The following SNTB2 variants were observed in gnomAD, a reference collection of about 807,000 sequenced individuals.
SNTB2 encodes the protein syntrophin beta 2.
In SNTB2, 34 loss-of-function variants were observed where a neutral mutation model predicts 46.2. That is an observed-to-expected ratio of 0.74 (90% CI 0.56 to 0.98). SNTB2 has a LOEUF of 0.98. Ranked by LOEUF, SNTB2 falls within the 50% of genes least tolerant of loss-of-function variation. The pLI, the probability that SNTB2 is intolerant of heterozygous loss-of-function variation, is 0.00. For missense variants in SNTB2, 603 were observed against 731.4 expected (o/e 0.82, Z 2.02); for synonymous variants, 290 against 312.6 (o/e 0.93, Z 0.76).
intron 4 of SNTB2, among the ~76,000 whole-genome samples, chr16:69,281,495 T>TG (rs201398210): frequency 0.049 from 7,328 of 149,080 alleles, 248 homozygotes; most frequent in Non-Finnish European, 0.071. Context: ...GTTTTTTTTT[T>TG]TTTGTTTTTT....
chr16:69,280,105 C>T (rs1949295580), intron 4 of SNTB2, among the ~76,000 whole-genome samples: 1 of 152,172 alleles, frequency 6.6e-6, no homozygotes, highest in African/African-American at 2.4e-5. Flanking sequence ...TAACAAAGTA[C>T]ATCTTGCACC....
intron 3 of SNTB2, among the ~76,000 whole-genome samples, chr16:69,269,245 A>G (rs1385262886): frequency 6.6e-6 from 1 of 151,122 alleles, no homozygotes; most frequent in Admixed American, 6.6e-5. Flanking sequence ...TGGGCCAGGC[A>G]TGGTGGCTCA....
intron 5 of SNTB2, among the ~76,000 whole-genome samples, chr16:69,287,575 A>G (rs1965116430): frequency 6.6e-6 from 1 of 151,980 alleles, no homozygotes; most frequent in Non-Finnish European, 1.5e-5. Flanking sequence ...TTCCAAAAAT[A>G]GAAATGCTGG....
intron 4 of SNTB2, among the ~76,000 whole-genome samples, chr16:69,274,175 G>A (rs1237879184): frequency 6.6e-6 from 1 of 151,788 alleles, no homozygotes; most frequent in Non-Finnish European, 1.5e-5. Flanking sequence ...AGCCCAGCGT[G>A]GTGGCATATG....
rs1309582922 is a variant in SNTB2 at position 69,266,939 on chromosome 16, C to T, written c.1006-3204C>T. On this transcript the variant is annotated intron_variant, in intron 3 of 6. Coordinates refer to ENST00000336278, the MANE Select transcript of SNTB2 (RefSeq NM_006750.4). ...AGCATGTTGCCCAGGCTCAAGTGAT[C>T]TGCCCACTTGGGCCTCCCAAAGTGT... Among the ~76,000 whole-genome samples, 17 of 151,982 alleles carry T rather than the reference C, an allele frequency of 1.1e-4. 1 individual carries two copies. Among genetic ancestry groups the T allele is most frequent in the Admixed American group, 1.1e-3 (17 of 15,254 alleles).
At chr16:69,266,653 T>C (rs1336519035) in intron 3 of SNTB2, among the ~76,000 whole-genome samples, 1 of 152,194 alleles carries the variant, frequency 6.6e-6, no homozygotes, top group African/African-American at 2.4e-5. Context: ...GTTTTCCAAA[T>C]GCTTATACTC....
intron 5 of SNTB2, among the ~76,000 whole-genome samples, chr16:69,292,416 TATTATATATATATATATATTATA>T (rs1965178514): frequency 5.8e-5 from 1 of 17,298 alleles, no homozygotes; most frequent in African/African-American, 5.0e-4. Flanking sequence ...ATTATATATA[TATTATATATATATATATATTATA>T]TATATATAAT....
intron 1 of SNTB2, among the ~76,000 whole-genome samples, chr16:69,231,968 A>T (rs1463135065): frequency 6.6e-6 from 1 of 152,200 alleles, no homozygotes; most frequent in East Asian, 1.9e-4. Flanking sequence ...TTACCATATT[A>T]GATCAGTAGT....
chr16:69,213,419 C>T (rs74818880), intron 1 of SNTB2, among the ~76,000 whole-genome samples: 7,612 of 152,156 alleles, frequency 0.05, 263 homozygotes, highest in Non-Finnish European at 0.071. Flanking sequence ...GAGAATTTCA[C>T]ACCCACTTTT....
chr16:69,257,700 C>T (rs1341022765), intron 2 of SNTB2, among the ~76,000 whole-genome samples: 1 of 152,192 alleles, frequency 6.6e-6, no homozygotes, highest in Admixed American at 6.5e-5. Flanking sequence ...CTGCCTCGGC[C>T]TCCCAAAGTG....
chr16:69,300,758 A>G, intron 6 of SNTB2, 74 bp from the exon 7 acceptor site: 1 of 1,026,482 alleles, frequency 9.7e-7, no homozygotes, highest in Non-Finnish European at 1.5e-6. Flanking sequence ...CCTTAAATTT[A>G]TTTTGCATCT....
chr16:69,239,794 T>C (rs1359901965), intron 1 of SNTB2, among the ~76,000 whole-genome samples: 1 of 152,108 alleles, frequency 6.6e-6, no homozygotes, highest in African/African-American at 2.4e-5. Context: ...ATCTGCTCAC[T>C]TTAGCCTCTC....
At chr16:69,273,501 A>G (rs373317267) in intron 4 of SNTB2, among the ~76,000 whole-genome samples, 24 of 152,332 alleles carry the variant, frequency 1.6e-4, no homozygotes, top group African/African-American at 5.5e-4. Flanking sequence ...GTATTTTTCC[A>G]TTTATATGGA....
At chr16:69,208,097 A>G (rs1352583521) in intron 1 of SNTB2, among the ~76,000 whole-genome samples, 2 of 130,600 alleles carry the variant, frequency 1.5e-5, no homozygotes, top group African/African-American at 6.0e-5. Flanking sequence ...TGACACAGTG[A>G]GACTTCATCT....
At chr16:69,253,116 G>A (rs1270186376) in intron 2 of SNTB2, among the ~76,000 whole-genome samples, 1 of 150,854 alleles carries the variant, frequency 6.6e-6, no homozygotes, top group African/African-American at 2.4e-5. Flanking sequence ...AGCTAGGATG[G>A]TCTCGATCTC....
At chr16:69,195,861 G>C (rs1240526804) in intron 1 of SNTB2, among the ~76,000 whole-genome samples, 2 of 152,150 alleles carry the variant, frequency 1.3e-5, no homozygotes, top group Non-Finnish European at 2.9e-5. Flanking sequence ...CTTGTGTATT[G>C]AGGTTGGCAG....
At chr16:69,245,848 C>G (rs745551978) in intron 2 of SNTB2, 33 bp downstream of exon 2, 2 of 1,593,400 alleles carry the variant, frequency 1.3e-6, no homozygotes, top group Non-Finnish European at 8.6e-7. Flanking sequence ...ATCATACCTA[C>G]AGCTTTACAA....
At chr16:69,264,086 G>C (rs984124831) in intron 3 of SNTB2, among the ~76,000 whole-genome samples, 2 of 152,098 alleles carry the variant, frequency 1.3e-5, no homozygotes, top group African/African-American at 4.8e-5. Context: ...ATGAGCCACT[G>C]TACCTGGCCT....
chr16:69,229,842 C>CAAA (rs74748760), intron 1 of SNTB2, among the ~76,000 whole-genome samples: 2 of 108,106 alleles, frequency 1.9e-5, no homozygotes, highest in African/African-American at 4.1e-5. Flanking sequence ...GACCCTGTCT[C>CAAA]AAAAAAAAAA....
Sources: gnomAD v4.1 joint callset for allele counts (sites outside exome capture counted in the v4.1 genomes callset) on GRCh38, gnomAD v4.1.1 for gene constraint, MANE v1.5 for transcripts, NCBI Gene and HGNC (gene_info 2026-07-23, HGNC 2026-07-21) for gene names.